Variants in PCSK5 observed in about 807,000 individuals in gnomAD.
PCSK5 encodes the protein proprotein convertase subtilisin/kexin type 5.
Under a neutral mutation model 233.2 loss-of-function variants are expected in PCSK5, and 129 were observed. The observed-to-expected ratio is 0.55, with a 90% CI of 0.48 to 0.64. The LOEUF is 0.64. PCSK5 is among the 30% of genes least tolerant of loss of function. PCSK5 has a pLI of 0.00. For synonymous variants in PCSK5, 825 were observed against 879.2 expected (o/e 0.94, Z 1.09); for missense variants, 2,076 against 2,430.1 (o/e 0.85, Z 3.06).
At chr9:75,914,130 T>C (rs1822876994) in intron 1 of PCSK5, among the ~76,000 whole-genome samples, 1 of 152,204 alleles carries the variant, frequency 6.6e-6, no homozygotes, top group African/African-American at 2.4e-5. Flanking sequence ...TATCATCATG[T>C]ACCTGGAATG....
intron 27 of PCSK5, among the ~76,000 whole-genome samples, chr9:76,297,460 A>C (rs116912813): frequency 6.6e-6 from 1 of 152,076 alleles, no homozygotes; most frequent in Non-Finnish European, 1.5e-5. Context: ...GAGGGAGGAG[A>C]GGGGACAGGT....
chr9:76,126,181 A>ATGTGTGTGTGTGTGTGTGTGTG (rs71499131), intron 9 of PCSK5, among the ~76,000 whole-genome samples: 1 of 150,448 alleles, frequency 6.6e-6, no homozygotes, highest in African/African-American at 2.4e-5. Flanking sequence ...GTGTGTGTGT[A>ATGTGTGTGTGTGTGTGTGTGTG]TGTGTGTGTG....
At position 75,891,055 on chromosome 9, in the gene PCSK5, C is replaced by CCCGGGGCTGCGAGCTGCGGCGGA; in HGVS notation, c.-105_-104insACCGGGGCTGCGAGCTGCGGCGG. The CCCGGGGCTGCGAGCTGCGGCGGA allele has an allele frequency of 2.3e-6, 2 of 865,168 alleles. No homozygotes were observed. The highest frequency in any genetic ancestry group is 3.2e-6 in the Non-Finnish European group (2 of 626,720). 53.6% of individuals were successfully genotyped at this position (865,168 alleles called of 1,614,324 possible). On this transcript the variant is annotated 5_prime_UTR_variant, in exon 1 of 38. Transcript: ENST00000674117. ...GGGGCTAGCCGCCTCCTGCCGATCG[C>CCCGGGGCTGCGAGCTGCGGCGGA]CCGGGGCTGCGAGCTGCGGCGGCCC...
At chr9:75,907,042 C>T (rs774006611) in intron 1 of PCSK5, among the ~76,000 whole-genome samples, 21 of 152,188 alleles carry the variant, frequency 1.4e-4, no homozygotes, top group Admixed American at 9.2e-4. Context: ...CGCCCTGTCT[C>T]ATTAAATATC....
At position 76,189,651 on chromosome 9, in the gene PCSK5, C is replaced by T. The variant is rs202203226; in HGVS notation, c.2531C>T (p.Thr844Met). 114 of 1,610,256 alleles carry T rather than the reference C, an allele frequency of 7.1e-5. No individual in the cohort carries two copies. The highest frequency in any genetic ancestry group is 3.3e-4 in the Middle Eastern group (2 of 6,070). The change falls in exon 20 of 38, where the codon ACG (threonine) becomes ATG (methionine). Residue 844 changes from threonine (T) to methionine (M), a missense_variant. Transcript: ENST00000674117. ...SCKKCDISCL[T>M]CNGPGFKNCT... ...CATAGATGTGATATCAGTTGTTTGA[C>T]GTGCAATGGCCCAGGATTCAAGAAC...
chr9:76,282,889 T>G (rs1827929026), intron 24 of PCSK5, among the ~76,000 whole-genome samples: 1 of 152,194 alleles, frequency 6.6e-6, no homozygotes, highest in African/African-American at 2.4e-5. Context: ...ATTAACAGTT[T>G]GGAAGAAGTT....
rs935090242 is a variant in PCSK5 at position 76,362,808 on chromosome 9, C to A, written c.*3886C>A. Among the ~76,000 whole-genome samples the A allele has an allele frequency of 1.3e-5, 2 of 152,146 alleles. No homozygotes were observed. Among genetic ancestry groups the A allele is most frequent in the African/African-American group, 2.4e-5 (1 of 41,424 alleles). On this transcript the variant is annotated 3_prime_UTR_variant, in exon 38 of 38. Transcript: ENST00000674117. ...CGTTCTGATTACTGGTGCATGCAGT[C>A]CCCAGTCACGTACCCCCTGCTTGCT...
intron 24 of PCSK5, among the ~76,000 whole-genome samples, chr9:76,255,498 A>C (rs1199319293): frequency 6.6e-6 from 1 of 152,144 alleles, no homozygotes; most frequent in Non-Finnish European, 1.5e-5. Flanking sequence ...CATGACCTCT[A>C]ATCTTCAATG....
intron 36 of PCSK5, among the ~76,000 whole-genome samples, chr9:76,351,229 A>G (rs1015395407): frequency 2.0e-5 from 3 of 152,126 alleles, no homozygotes; most frequent in Admixed American, 1.3e-4. Flanking sequence ...TTCAGTCAAC[A>G]TAAGAATACT....
In PCSK5 at chr9:76,321,467, T is replaced by A. The variant is rs1360895413; in HGVS notation, c.3930T>A (p.Pro1310=). 6.2e-7 allele frequency: 1 copy of A among 1,611,716 alleles called. No homozygotes were observed. The highest frequency in any genetic ancestry group is 8.5e-7 in the Non-Finnish European group (1 of 1,178,882). The stretch of plus-strand genomic sequence containing the variant: ...GCATATGTGAACGCTGTAGCTCTCC[T>A]TGCAGAACATGTGAAGGAAACGCCA... The part of the protein sequence containing the change: ...EDGICERCSS[P]CRTCEGNATN... The change falls in exon 31 of 38, where the codon CCT becomes CCA. Residue 1310 remains proline, a synonymous_variant. Coordinates refer to ENST00000674117, the MANE Select transcript of PCSK5 (RefSeq NM_001372043.1).
intron 2 of PCSK5, among the ~76,000 whole-genome samples, chr9:75,985,523 T>C (rs1247258236): frequency 1.3e-5 from 2 of 152,098 alleles, no homozygotes; most frequent in Non-Finnish European, 2.9e-5. Flanking sequence ...AAAATGATCC[T>C]GGAGCGTTTT....
intron 7 of PCSK5, among the ~76,000 whole-genome samples, chr9:76,081,791 C>T (rs1481936718): frequency 2.6e-5 from 4 of 152,072 alleles, no homozygotes; most frequent in Non-Finnish European, 5.9e-5. Flanking sequence ...CCCAGTCTCC[C>T]TTCCTAACCC....
At chr9:76,326,284 G>A (rs1829356636) in intron 32 of PCSK5, among the ~76,000 whole-genome samples, 1 of 152,118 alleles carries the variant, frequency 6.6e-6, no homozygotes, top group African/African-American at 2.4e-5. Context: ...TACTCAAGAG[G>A]CTGAGATGGG....
intron 5 of PCSK5, among the ~76,000 whole-genome samples, chr9:76,067,366 C>T (rs936018419): frequency 1.3e-5 from 2 of 152,070 alleles, no homozygotes; most frequent in Non-Finnish European, 2.9e-5. Flanking sequence ...TAACATGTAG[C>T]TGGTATAAAA....
chr9:76,103,730 A>T (rs1437749429), intron 8 of PCSK5, among the ~76,000 whole-genome samples: 1 of 152,154 alleles, frequency 6.6e-6, no homozygotes, highest in Admixed American at 6.5e-5. Flanking sequence ...GCTGATCAGG[A>T]CAGCTTTGAT....
In PCSK5 at chr9:76,122,050, C is replaced by G. The variant is rs564241775; in HGVS notation, c.1209-12059C>G. ...GTTTTAGCCGGGATGGTCTCGATCT[C>G]CTGACCTCGTGATCCGCCCGCCTCG... On this transcript the variant is annotated intron_variant, in intron 9 of 37. Coordinates refer to ENST00000674117, the MANE Select transcript of PCSK5 (RefSeq NM_001372043.1). Among the ~76,000 whole-genome samples the G allele has an allele frequency of 1.0e-3, 47 of 45,202 alleles. 15 individuals carry two copies. In the South Asian group the frequency reaches 0.011, roughly 10 times the overall value. The allele number at this position is 45,202 out of a possible 152,430, so 29.7% of individuals were successfully genotyped here.
At chr9:76,062,158 C>T (rs948303139) in intron 5 of PCSK5, among the ~76,000 whole-genome samples, 5 of 151,926 alleles carry the variant, frequency 3.3e-5, no homozygotes, top group East Asian at 2.0e-4. Flanking sequence ...TGAGGTGATA[C>T]AATTGCTTGA....
chr9:76,134,835 G>GCTT (rs1212508870), intron 10 of PCSK5, among the ~76,000 whole-genome samples: 1 of 151,844 alleles, frequency 6.6e-6, no homozygotes, highest in Non-Finnish European at 1.5e-5. Flanking sequence ...TCCCAAAATA[G>GCTT]CTATTCTATT....
At chr9:75,951,211 T>A (rs992686004) in intron 2 of PCSK5, among the ~76,000 whole-genome samples, 12 of 152,218 alleles carry the variant, frequency 7.9e-5, no homozygotes, top group Non-Finnish European at 1.3e-4. Flanking sequence ...GAGTCACCAG[T>A]ATAGACAATG....
Sources: allele counts gnomAD v4.1 joint callset (sites outside exome capture counted in the v4.1 genomes callset), GRCh38; gene constraint gnomAD v4.1.1; transcripts MANE v1.5; gene names NCBI Gene and HGNC (gene_info 2026-07-23, HGNC 2026-07-21).